Variants in TNFSF14 observed in about 807,000 individuals in gnomAD.
The protein encoded by TNFSF14 is tumor necrosis factor ligand superfamily member 14.
TNFSF14 carries 15 observed loss-of-function variants against 22.7 expected under a neutral mutation model. The observed-to-expected ratio is 0.66, with a 90% CI of 0.44 to 1.02. The LOEUF is 1.02. Among genes scored for constraint, TNFSF14 ranks in the 50% least tolerant of loss-of-function variants. The probability of loss-of-function intolerance (pLI) is 0.00; values close to 1 mark genes in which losing one functional copy is unlikely to be tolerated. For synonymous variants in TNFSF14, 133 were observed against 139.6 expected (o/e 0.95, Z 0.33); for missense variants, 287 against 326.2 (o/e 0.88, Z 0.93).
chr19:6,666,237 A>T (rs967070092), intron 3 of TNFSF14, among the ~76,000 whole-genome samples: 1 of 151,376 alleles, frequency 6.6e-6, no homozygotes, highest in East Asian at 1.9e-4. Context: ...CCCTGTCTCT[A>T]CAAAAAACAA....
chr19:6,668,606 G>A (rs1027097975), intron 1 of TNFSF14, among the ~76,000 whole-genome samples: 3 of 152,136 alleles, frequency 2.0e-5, no homozygotes, highest in Admixed American at 6.5e-5. Flanking sequence ...CTGCTCAGGA[G>A]GCTGAGACAA....
rs1452689197 is a variant in TNFSF14, at chr19:6,664,686, G to A, written c.*240C>T. On this transcript the variant is annotated 3_prime_UTR_variant, in exon 4 of 4. Transcript: ENST00000675206. The surrounding 1 kb of genome is among the most constrained non-coding windows in gnomAD (Gnocchi z 4.7). ...CTCCTGAGTAGCTGGATTACAGGCA[G>A]GCACCACCACGTCCGGCTAATTTTT... The A allele has an allele frequency of 2.6e-6, 1 of 387,202 alleles. No homozygotes were observed. 24.0% of individuals were successfully genotyped at this position (387,202 alleles called of 1,614,324 possible). A position where few individuals can be genotyped will look rare whatever the true frequency, so the allele number is the denominator to read the frequency against.
At chr19:6,667,726 G>T (rs558323173) in intron 1 of TNFSF14, among the ~76,000 whole-genome samples, 1 of 152,234 alleles carries the variant, frequency 6.6e-6, no homozygotes, top group Non-Finnish European at 1.5e-5. Flanking sequence ...TACAGTGCTT[G>T]GCACATAGTA....
Position 6,664,899 on chromosome 19 carries a change from C to T in TNFSF14, c.*27G>A, listed in dbSNP as rs574503575. On this transcript the variant is annotated 3_prime_UTR_variant, in exon 4 of 4. Transcript: ENST00000675206. The surrounding 1 kb of genome is among the most constrained non-coding windows in gnomAD (Gnocchi z 4.7). Reference sequence around the variant, plus strand: ...CTCTGAGTTCTCCACGTGTCAGACCCATGTCCAATGCACCACGCTCCTTCC... The same window carrying T: ...CTCTGAGTTCTCCACGTGTCAGACCTATGTCCAATGCACCACGCTCCTTCC... 1.3e-6 allele frequency: 2 copies of T among 1,558,914 alleles called. No individual in the cohort carries two copies. Among genetic ancestry groups the T allele is most frequent in the East Asian group, 4.5e-5 (2 of 44,204 alleles).
At position 6,663,344 on chromosome 19, in the gene TNFSF14, T is replaced by C. The variant is rs1383687854; in HGVS notation, c.*1582A>G. ...ATTGTGATGTTGTGTGTGTGTAATG[T>C]TGTGTTTGTCATTGTGATGTGTGTG... On this transcript the variant is annotated 3_prime_UTR_variant, in exon 4 of 4. Transcript: ENST00000675206. 1.0e-5 allele frequency: 1 copy of C among 97,612 alleles called. No homozygotes were observed. The highest frequency in any genetic ancestry group is 2.6e-5 in the Non-Finnish European group (1 of 38,180). 6.0% of individuals were successfully genotyped at this position (97,612 alleles called of 1,614,324 possible).
At position 6,669,926 on chromosome 19, in the gene TNFSF14, C is replaced by T; in HGVS notation, c.144G>A (p.Gly48=). 6.2e-7 allele frequency: 1 copy of T among 1,613,976 alleles called. No individual in the cohort carries two copies. The highest frequency in any genetic ancestry group is 8.5e-7 in the Non-Finnish European group (1 of 1,180,012). ...VGLGLLLLLM[G]AGLAVQGWFL... is the part of the protein sequence containing the mutation. Reference sequence around the variant, plus strand: ...ACCAGCCTTGGACGGCCAGCCCGGCCCCCATCAGCAACAGCAAGAGACCCA... The same window carrying T: ...ACCAGCCTTGGACGGCCAGCCCGGCTCCCATCAGCAACAGCAAGAGACCCA... The change falls in exon 1 of 4, where the codon GGG becomes GGA. Residue 48 remains glycine (G), a synonymous_variant. Coordinates refer to ENST00000675206, the MANE Select transcript of TNFSF14 (RefSeq NM_001376887.1).
intron 1 of TNFSF14, among the ~76,000 whole-genome samples, chr19:6,668,754 C>T (rs927543760): frequency 1.3e-5 from 2 of 152,050 alleles, no homozygotes; most frequent in African/African-American, 4.8e-5. Context: ...CACATGGACA[C>T]CACCCTTGGG....
At chr19:6,668,970 G>A (rs537694732) in intron 1 of TNFSF14, among the ~76,000 whole-genome samples, 1 of 152,308 alleles carries the variant, frequency 6.6e-6, no homozygotes, top group African/African-American at 2.4e-5. Flanking sequence ...ACGCACATAC[G>A]TCCACATGGG....
upstream of TNFSF14, chr19:6,670,264 C>G: frequency 7.0e-7 from 1 of 1,433,184 alleles, no homozygotes; most frequent in Non-Finnish European, 9.1e-7. Context: ...CGGTCTTGGC[C>G]CTGTCTCACT....
chr19:6,665,127 G>T lies in TNFSF14; in HGVS notation c.522C>A (p.Pro174=), dbSNP rs141976417. ...GGCTGACCAACAGCTCCAGCTCCTC[G>T]GGGTAGCGGGGTGTGCGCTTGTAGA... ...HGLYKRTPRY[P]EELELLVSQQ... Residue 174 remains proline, a synonymous_variant, in exon 4 of 4, where the codon CCC becomes CCA. Transcript: ENST00000675206. 5 of 1,613,946 alleles carry T rather than the reference G, an allele frequency of 3.1e-6. No homozygotes were observed. The highest frequency in any genetic ancestry group is 4.2e-6 in the Non-Finnish European group (5 of 1,179,896).
Position 6,665,205 on chromosome 19 carries a change from C to T in TNFSF14, c.444G>A (p.Gln148=), listed in dbSNP as rs1917377776. The change falls in exon 4 of 4, where the codon CAG becomes CAA. Residue 148 remains glutamine (Q), a synonymous_variant. Coordinates refer to ENST00000675206, the MANE Select transcript of TNFSF14 (RefSeq NM_001376887.1). Reference sequence around the variant, plus strand: ...CCAGCGGGCAGCCCACACCGCCCAGCTGCACCTTGGAGTAGATGTAGTAGT... The same window carrying T: ...CCAGCGGGCAGCCCACACCGCCCAGTTGCACCTTGGAGTAGATGTAGTAGT... ...AGYYYIYSKV[Q]LGGVGCPLGL... The T allele has an allele frequency of 6.2e-7, 1 of 1,614,198 alleles. No homozygotes were observed. Among genetic ancestry groups the T allele is most frequent in the Non-Finnish European group, 8.5e-7 (1 of 1,180,034 alleles).
upstream of TNFSF14, chr19:6,670,300 T>C (rs1169787604): frequency 2.5e-5 from 34 of 1,359,344 alleles, no homozygotes; most frequent in Non-Finnish European, 6.6e-6. Flanking sequence ...TCTCACACTT[T>C]CCAGAGGCTT....
At chr19:6,665,479 G>T (rs1186973370) in intron 3 of TNFSF14, 129 bp from the exon 4 acceptor site, 2 of 1,042,732 alleles carry the variant, frequency 1.9e-6, no homozygotes. Flanking sequence ...CATGATCTCG[G>T]CTTACTGCAC....
intron 3 of TNFSF14, among the ~76,000 whole-genome samples, chr19:6,666,780 C>T (rs1285194817): frequency 1.3e-5 from 2 of 152,078 alleles, no homozygotes; most frequent in Non-Finnish European, 2.9e-5. Context: ...TGCCTGTAAT[C>T]CCAGGTACTT....
At chr19:6,665,775 G>A (rs1568202102) in intron 3 of TNFSF14, among the ~76,000 whole-genome samples, 2 of 143,034 alleles carry the variant, frequency 1.4e-5, no homozygotes, top group South Asian at 2.4e-4. Flanking sequence ...GTGTGTGTGT[G>A]CATGTGTGCG....
Position 6,665,109 on chromosome 19 carries a change from C to A in TNFSF14, c.540G>T (p.Leu180Phe), listed in dbSNP as rs891632567. The change falls in exon 4 of 4, where the codon TTG becomes TTT. Residue 180 changes from leucine to phenylalanine, a missense_variant. Transcript: ENST00000675206. ...GTCCGCAGGGTGACTGCTGGCTGAC[C>A]AACAGCTCCAGCTCCTCGGGGTAGC... ...TPRYPEELEL[L>F]VSQQSPCGRA... 3 of 1,614,034 alleles carry A rather than the reference C, an allele frequency of 1.9e-6. No individual in the cohort carries two copies. The highest frequency in any genetic ancestry group is 2.5e-6 in the Non-Finnish European group (3 of 1,179,926).
At chr19:6,669,172 C>T (rs141099542) in intron 1 of TNFSF14, among the ~76,000 whole-genome samples, 8 of 152,232 alleles carry the variant, frequency 5.3e-5, no homozygotes, top group Non-Finnish European at 8.8e-5. Context: ...TAATGACAAT[C>T]GCAGTAACAG....
chr19:6,670,321 G>A (rs758765426), upstream of TNFSF14: 387 of 1,317,204 alleles, frequency 2.9e-4, no homozygotes, highest in Non-Finnish European at 3.6e-4. Flanking sequence ...CTGAAAATGT[G>A]ACTCAGGTGG....
In TNFSF14 at chr19:6,665,287, G is replaced by T; in HGVS notation, c.362C>A (p.Ala121Asp). The stretch of plus-strand genomic sequence containing the variant: ...GTGGTAGCTGAGGCCCCTCAGGAAG[G>T]CCAGGCCCAGCTGAGTCTCCCATAA... ...PLLWETQLGL[A>D]FLRGLSYHDG... Residue 121 changes from alanine (A) to aspartate (D), a missense_variant, in exon 4 of 4, where the codon GCC (alanine) becomes GAC (aspartate). Ala to Asp is a moderately radical substitution (Grantham distance 126). Transcript: ENST00000675206. The T allele has an allele frequency of 6.2e-7, 1 of 1,612,558 alleles. No homozygotes were observed.
Sources: gnomAD v4.1 joint callset for allele counts (sites outside exome capture counted in the v4.1 genomes callset) on GRCh38, gnomAD v4.1.1 for gene constraint, Gnocchi (gnomAD v3.1) non-coding constraint, MANE v1.5 for transcripts, NCBI Gene and HGNC (gene_info 2026-07-23, HGNC 2026-07-21) for gene names.